The following FGL1 variants were observed in gnomAD, a reference collection of about 807,000 sequenced individuals.
The protein encoded by FGL1 is fibrinogen like 1, also known as fibrinogen-like protein 1.
A neutral mutation model predicts 43.7 loss-of-function variants in FGL1; 59 were observed. The observed-to-expected ratio is 1.35, with a 90% CI of 1.10 to 1.68. The LOEUF (loss-of-function observed/expected upper bound fraction) is 1.68. FGL1 is among the 40% of genes most tolerant of loss of function. The probability of loss-of-function intolerance (pLI) is 0.00; values close to 1 mark genes in which losing one functional copy is unlikely to be tolerated. For missense variants in FGL1, 596 were observed against 373.0 expected, an observed-to-expected ratio of 1.60 and a Z score of -4.92; for synonymous variants, 192 against 126.5, an observed-to-expected ratio of 1.52 and a Z score of -3.48.
chr8:17,876,461 G>A (rs2517298), intron 3 of FGL1, among the ~76,000 whole-genome samples: 18,930 of 152,078 alleles, frequency 0.12, 1,789 homozygotes, highest in African/African-American at 0.25. Context: ...TAATGATTTA[G>A]GCTTTATTCA....
At chr8:17,873,553 C>T (rs989131377) in intron 5 of FGL1, among the ~76,000 whole-genome samples, 6 of 151,914 alleles carry the variant, frequency 3.9e-5, no homozygotes, top group Non-Finnish European at 7.4e-5. Flanking sequence ...GATTGTTACA[C>T]GTTATTATTG....
In FGL1 at chr8:17,869,007, A is replaced by G. The variant is rs1346983950; in HGVS notation, c.503-3T>C. 1.3e-6 allele frequency: 2 copies of G among 1,577,382 alleles called. No homozygotes were observed. Among genetic ancestry groups the G allele is most frequent in the Non-Finnish European group, 1.7e-6 (2 of 1,156,920 alleles). ...GTCGATTTTTAAAGTGTAGTCTTCT[A>G]AAAAAGAAACAAGCAATTATAATTT... is the stretch of plus-strand genomic sequence containing the variant. On this transcript the variant is annotated splice_region_variant and splice_polypyrimidine_tract_variant and intron_variant, in intron 5 of 7. Coordinates refer to ENST00000427924, the MANE Select transcript of FGL1 (RefSeq NM_004467.4).
intron 1 of FGL1, among the ~76,000 whole-genome samples, chr8:17,887,659 A>G (rs1467432817): frequency 6.6e-6 from 1 of 152,076 alleles, no homozygotes; most frequent in East Asian, 1.9e-4. Context: ...ACATAGTGAA[A>G]CCCTGTCTCT....
chr8:17,888,633 C>G (rs1250811357), intron 1 of FGL1, among the ~76,000 whole-genome samples: 1 of 152,010 alleles, frequency 6.6e-6, no homozygotes, highest in East Asian at 1.9e-4. Context: ...GTCTGAGGGT[C>G]CTTGGGAACA....
chr8:17,872,339 G>T (rs1362679082), intron 5 of FGL1, among the ~76,000 whole-genome samples: 1 of 86,298 alleles, frequency 1.2e-5, no homozygotes, highest in Non-Finnish European at 2.4e-5. Context: ...GTCTTGCTCT[G>T]TCACCCAGGC....
At chr8:17,876,409 G>A (rs944448600) in intron 3 of FGL1, among the ~76,000 whole-genome samples, 18 of 152,042 alleles carry the variant, frequency 1.2e-4, no homozygotes, top group African/African-American at 4.1e-4. Flanking sequence ...ACATGGTTGG[G>A]ACCAACCATA....
At chr8:17,873,476 G>A (rs1406196328) in intron 5 of FGL1, among the ~76,000 whole-genome samples, 1 of 152,046 alleles carries the variant, frequency 6.6e-6, no homozygotes, top group Non-Finnish European at 1.5e-5. Context: ...AAATCACCCA[G>A]CCAACCTGCA....
At chr8:17,866,888 G>A (rs1008944215) in intron 7 of FGL1, among the ~76,000 whole-genome samples, 2 of 152,106 alleles carry the variant, frequency 1.3e-5, no homozygotes, top group African/African-American at 4.8e-5. Flanking sequence ...AGAACAAGGG[G>A]GAAAGAAAGG....
chr8:17,886,593 AC>A (rs1388326263), intron 1 of FGL1, among the ~76,000 whole-genome samples: 2 of 151,920 alleles, frequency 1.3e-5, no homozygotes, highest in Non-Finnish European at 2.9e-5. Context: ...CCCTGTCTCT[AC>A]TAAAAATACA....
chr8:17,870,224 C>T (rs1313652823), intron 5 of FGL1, among the ~76,000 whole-genome samples: 1 of 152,100 alleles, frequency 6.6e-6, no homozygotes, highest in Non-Finnish European at 1.5e-5. Context: ...TAAAGATATA[C>T]TTTAATGACT....
chr8:17,886,327 A>T (rs1257525172), intron 1 of FGL1, among the ~76,000 whole-genome samples: 3 of 152,200 alleles, frequency 2.0e-5, no homozygotes, highest in Non-Finnish European at 4.4e-5. Context: ...TGAACACATG[A>T]ATTTAATTTT....
chr8:17,865,409 A>G (rs2053256658), intron 7 of FGL1, among the ~76,000 whole-genome samples: 1 of 152,164 alleles, frequency 6.6e-6, no homozygotes, highest in Non-Finnish European at 1.5e-5. Context: ...CTTAGCTTTC[A>G]TAATTCAAAC....
In FGL1 at chr8:17,880,858, T is replaced by C. The variant is rs2053523805; in HGVS notation, c.244+1141A>G. ...GATTTGTGCAGCAATGTGTGTAATG[T>C]GTTGCCAGTTTAAAATCATTTAGTT... On this transcript the variant is annotated intron_variant, in intron 3 of 7. Coordinates refer to ENST00000427924, the MANE Select transcript of FGL1 (RefSeq NM_004467.4). 1.3e-5 allele frequency among the ~76,000 whole-genome samples: 2 copies of C among 152,226 alleles called. 1 individual carries two copies. Among genetic ancestry groups the C allele is most frequent in the South Asian group, 4.1e-4 (2 of 4,832 alleles).
chr8:17,894,191 C>A (rs2053745145), intron 1 of FGL1, among the ~76,000 whole-genome samples: 1 of 146,594 alleles, frequency 6.8e-6, no homozygotes, highest in African/African-American at 2.7e-5. Flanking sequence ...GCAAACATTT[C>A]AAAACTGGTA....
At chr8:17,880,116 A>G (rs1394667810) in intron 3 of FGL1, among the ~76,000 whole-genome samples, 2 of 152,174 alleles carry the variant, frequency 1.3e-5, no homozygotes, top group African/African-American at 4.8e-5. Context: ...TCTTGGCTCC[A>G]GAGGCACTGG....
chr8:17,870,037 A>G lies in FGL1; in HGVS notation c.503-1033T>C, dbSNP rs528446722. Among the ~76,000 whole-genome samples, 402 of 152,114 alleles carry G rather than the reference A, an allele frequency of 2.6e-3. 1 individual carries two copies. The highest frequency in any genetic ancestry group is 9.4e-3 in the African/African-American group (389 of 41,524). ...AGGCAGGAGAATGGCGTGAACCCAGAAGGCAGAGCTTGCAGTGAGCCGAGA... is the reference window on the plus strand; with the variant it reads ...AGGCAGGAGAATGGCGTGAACCCAGGAGGCAGAGCTTGCAGTGAGCCGAGA... On this transcript the variant is annotated intron_variant, in intron 5 of 7. Coordinates refer to ENST00000427924, the MANE Select transcript of FGL1 (RefSeq NM_004467.4).
chr8:17,867,975 G>A (rs1036460457), intron 7 of FGL1, among the ~76,000 whole-genome samples: 2 of 152,108 alleles, frequency 1.3e-5, no homozygotes, highest in East Asian at 1.9e-4. Flanking sequence ...AAAAAAAGAA[G>A]CAACTATATA....
intron 2 of FGL1, among the ~76,000 whole-genome samples, chr8:17,884,885 T>C (rs2053604794): frequency 6.6e-6 from 1 of 152,176 alleles, no homozygotes; most frequent in African/African-American, 2.4e-5. Context: ...TTTCAAATAA[T>C]CTGGTTAGTT....
At chr8:17,873,134 C>G (rs1383612059) in intron 5 of FGL1, among the ~76,000 whole-genome samples, 1 of 152,144 alleles carries the variant, frequency 6.6e-6, no homozygotes, top group African/African-American at 2.4e-5. Flanking sequence ...TCACCTCTCT[C>G]TCATAATATG....
Sources: allele counts gnomAD v4.1 joint callset (sites outside exome capture counted in the v4.1 genomes callset), GRCh38; gene constraint gnomAD v4.1.1; transcripts MANE v1.5; gene names NCBI Gene and HGNC (gene_info 2026-07-23, HGNC 2026-07-21).